CLIC4: variants seen among roughly 807,000 people sequenced by gnomAD.
The protein encoded by CLIC4 is CLIC family member 4, also known as chloride intracellular channel protein 4.
CLIC4 carries 13 observed loss-of-function variants against 24.6 expected under a neutral mutation model. That is an observed-to-expected ratio of 0.53 (90% CI 0.34 to 0.84). The LOEUF is 0.84. Ranked by LOEUF, CLIC4 falls within the 40% of genes least tolerant of loss-of-function variation. The probability of loss-of-function intolerance (pLI) is 0.01; values close to 1 mark genes in which losing one functional copy is unlikely to be tolerated. For synonymous variants in CLIC4, 104 were observed against 111.3 expected (o/e 0.93, Z 0.41); for missense variants, 227 against 301.7 (o/e 0.75, Z 1.83).
At chr1:24,770,463 C>T (rs1313666303) in intron 1 of CLIC4, among the ~76,000 whole-genome samples, 7 of 152,264 alleles carry the variant, frequency 4.6e-5, no homozygotes, top group African/African-American at 1.4e-4. Flanking sequence ...CTAATGAGAT[C>T]AGCCAGTGCT....
At chr1:24,764,380 G>GT (rs909154499) in intron 1 of CLIC4, among the ~76,000 whole-genome samples, 11 of 151,636 alleles carry the variant, frequency 7.3e-5, no homozygotes, top group African/African-American at 2.7e-4. Context: ...GATTACAGGT[G>GT]TGAGCCACCA....
rs748841307 is a variant in CLIC4, at chr1:24,841,578, A to G, written c.*641A>G. 6.6e-6 allele frequency: 1 copy of G among 152,206 alleles called. No homozygotes were observed. Among genetic ancestry groups the G allele is most frequent in the African/African-American group, 2.4e-5 (1 of 41,458 alleles). The allele number at this position is 152,206 out of a possible 1,614,324, so 9.4% of individuals were successfully genotyped here. ...TTTTGCCTAAAAGCATTTATCCTTC[A>G]TACCAATTGTAACATCTGACACCAT... is the stretch of plus-strand genomic sequence containing the variant. On this transcript the variant is annotated 3_prime_UTR_variant, in exon 6 of 6. Coordinates refer to ENST00000374379, the MANE Select transcript of CLIC4 (RefSeq NM_013943.3).
At chr1:24,764,894 T>A (rs1221230837) in intron 1 of CLIC4, among the ~76,000 whole-genome samples, 1 of 152,200 alleles carries the variant, frequency 6.6e-6, no homozygotes. Context: ...ACTACAAATT[T>A]AAAAAATCTT....
At chr1:24,773,713 A>C (rs1007755005) in intron 1 of CLIC4, among the ~76,000 whole-genome samples, 1 of 146,642 alleles carries the variant, frequency 6.8e-6, no homozygotes, top group African/African-American at 2.5e-5. Flanking sequence ...CCTCCTGCTT[A>C]AGCCTTCTGA....
chr1:24,766,473 GTTTTTTTTTTT>G lies in CLIC4; in HGVS notation c.72+20886_72+20896del, dbSNP rs71032855. Among the ~76,000 whole-genome samples the G allele has an allele frequency of 3.5e-3, 215 of 62,044 alleles. 6 individuals are homozygous for G. Among genetic ancestry groups the G allele is most frequent in the African/African-American group, 0.012 (188 of 15,470 alleles). 40.7% of individuals were successfully genotyped at this position (62,044 alleles called of 152,430 possible). A position where few individuals can be genotyped will look rare whatever the true frequency, so the allele number is the denominator to read the frequency against. ...CAGGTCTTGCTATGTTGCCCAGACG[GTTTTTTTTTTT>G]TTTTTTTTTTTTTTTTTTTTTTTTT... is the stretch of plus-strand genomic sequence containing the variant. On this transcript the variant is annotated intron_variant, in intron 1 of 5. Transcript: ENST00000374379.
At chr1:24,838,858 A>G (rs1639910958) in intron 4 of CLIC4, among the ~76,000 whole-genome samples, 1 of 152,198 alleles carries the variant, frequency 6.6e-6, no homozygotes, top group Non-Finnish European at 1.5e-5. Flanking sequence ...ATGGAATAAC[A>G]ACAGACAGAT....
chr1:24,807,953 CTTT>C (rs5773106), intron 2 of CLIC4, among the ~76,000 whole-genome samples: 6 of 137,700 alleles, frequency 4.4e-5, no homozygotes, highest in Non-Finnish European at 4.8e-5. Context: ...AAAAACATTC[CTTT>C]TTTTTTTTTT....
chr1:24,758,245 A>G (rs1040160669), intron 1 of CLIC4, among the ~76,000 whole-genome samples: 3 of 152,134 alleles, frequency 2.0e-5, no homozygotes, highest in Admixed American at 2.0e-4. Flanking sequence ...GAAAAGCATA[A>G]ATAAAATAAA....
intron 1 of CLIC4, among the ~76,000 whole-genome samples, chr1:24,797,111 A>G (rs111592789): frequency 0.02 from 3,042 of 150,476 alleles, 96 homozygotes; most frequent in African/African-American, 0.07. Context: ...CCACCACCAC[A>G]CCTGGCTAAT....
intron 1 of CLIC4, among the ~76,000 whole-genome samples, chr1:24,784,735 A>G (rs895231490): frequency 9.8e-5 from 15 of 152,298 alleles, no homozygotes; most frequent in African/African-American, 3.1e-4. Context: ...AGAGCTGGAC[A>G]CATAGTAATT....
intron 3 of CLIC4, among the ~76,000 whole-genome samples, 188 bp from the exon 4 acceptor site, chr1:24,826,822 A>G (rs1639791101): frequency 6.6e-6 from 1 of 152,236 alleles, no homozygotes; most frequent in East Asian, 1.9e-4. Flanking sequence ...GTGAACAAAA[A>G]CATAGTGCAG....
At chr1:24,746,195 T>A (rs2124070155) in intron 1 of CLIC4, among the ~76,000 whole-genome samples, 1 of 152,372 alleles carries the variant, frequency 6.6e-6, no homozygotes, top group African/African-American at 2.4e-5. Context: ...CTCTTGGACC[T>A]TCGGAAAAGA....
intron 1 of CLIC4, among the ~76,000 whole-genome samples, chr1:24,747,095 ATTTTTTTTTT>A (rs749648001): frequency 1.7e-5 from 2 of 120,288 alleles, no homozygotes; most frequent in African/African-American, 6.1e-5. Context: ...TCAATTTTCG[ATTTTTTTTTT>A]TTTTTTTTTT....
At chr1:24,771,411 A>G (rs1363080212) in intron 1 of CLIC4, among the ~76,000 whole-genome samples, 1 of 152,200 alleles carries the variant, frequency 6.6e-6, no homozygotes, top group African/African-American at 2.4e-5. Context: ...GCTAGAATGT[A>G]AATTCCAGGA....
intron 2 of CLIC4, among the ~76,000 whole-genome samples, chr1:24,798,938 C>T (rs1217208388): frequency 1.3e-5 from 2 of 152,266 alleles, no homozygotes; most frequent in Non-Finnish European, 2.9e-5. Flanking sequence ...GAGTCTGGTT[C>T]ACTCAGTGCT....
chr1:24,800,545 A>G lies in CLIC4; in HGVS notation c.182+2694A>G, dbSNP rs187388341. On this transcript the variant is annotated intron_variant, in intron 2 of 5. Coordinates refer to ENST00000374379, the MANE Select transcript of CLIC4 (RefSeq NM_013943.3). ...AAGTGAGGAGCCCCTCTGCCTGGCC[A>G]CCACCCCGTCTGGGAGGTGTGCCCA... is the stretch of plus-strand genomic sequence containing the variant. Among the ~76,000 whole-genome samples, 920 of 151,816 alleles carry G rather than the reference A, an allele frequency of 6.1e-3. 5 individuals are homozygous for G. The highest frequency in any genetic ancestry group is 0.01 in the Admixed American group (156 of 15,260).
intron 1 of CLIC4, among the ~76,000 whole-genome samples, chr1:24,772,497 A>G (rs890500873): frequency 1.3e-5 from 2 of 152,302 alleles, no homozygotes; most frequent in East Asian, 3.9e-4. Flanking sequence ...ATGTATATAT[A>G]TAGAGAGAGA....
At chr1:24,746,165 A>G (rs1638694923) in intron 1 of CLIC4, among the ~76,000 whole-genome samples, 1 of 152,174 alleles carries the variant, frequency 6.6e-6, no homozygotes, top group East Asian at 1.9e-4. Flanking sequence ...ATCTTAAACA[A>G]ATTTACCAAA....
intron 1 of CLIC4, among the ~76,000 whole-genome samples, chr1:24,753,867 G>A (rs1001755387): frequency 6.6e-6 from 1 of 152,070 alleles, no homozygotes; most frequent in Non-Finnish European, 1.5e-5. Context: ...TCAAGGACAG[G>A]CTTCAAACTT....
Sources: gnomAD v4.1 joint callset for allele counts (sites outside exome capture counted in the v4.1 genomes callset) on GRCh38, gnomAD v4.1.1 for gene constraint, MANE v1.5 for transcripts, NCBI Gene and HGNC (gene_info 2026-07-23, HGNC 2026-07-21) for gene names.